Variants in ZNF138 observed in about 807,000 individuals in gnomAD.
The protein encoded by ZNF138 is zinc finger protein 138 (clone pHZ-32).
A neutral mutation model predicts 33.0 loss-of-function variants in ZNF138; 33 were observed. That is an observed-to-expected ratio of 1.00 (90% CI 0.76 to 1.34). ZNF138 has a LOEUF of 1.34. ZNF138 is among the 40% of genes most tolerant of loss of function. ZNF138 has a pLI of 0.00. For synonymous variants in ZNF138, 139 were observed against 120.4 expected, an observed-to-expected ratio of 1.15 and a Z score of -1.01; for missense variants, 360 against 370.8, an observed-to-expected ratio of 0.97 and a Z score of 0.24.
rs574057902 is a variant in ZNF138, at chr7:64,808,862, G to A, written c.4-6056G>A. 9.5e-4 allele frequency among the ~76,000 whole-genome samples: 131 copies of A among 137,382 alleles called. 1 individual carries two copies. Among genetic ancestry groups the A allele is most frequent in the African/African-American group, 2.7e-3 (107 of 39,526 alleles). 90.1% of individuals were successfully genotyped at this position (137,382 alleles called of 152,430 possible). A position where few individuals can be genotyped will look rare whatever the true frequency, so the allele number is the denominator to read the frequency against. On this transcript the variant is annotated intron_variant, in intron 1 of 3. Coordinates refer to ENST00000307355, the MANE Select transcript of ZNF138 (RefSeq NM_001271639.2). ...CCGCCCTTAATCCATTTAACCCTGA[G>A]TGGACACAGCACATGTTTCAGAGAG...
At chr7:64,859,087 C>A in the ZNF138 span, among the ~76,000 whole-genome samples, 39 of 152,122 alleles carry the variant, frequency 2.6e-4, no homozygotes, top group African/African-American at 9.4e-4. Context: ...ACCACCACAC[C>A]TGGCTAATTT....
downstream of ZNF138, among the ~76,000 whole-genome samples, chr7:64,834,686 G>A (rs1055343128): frequency 1.3e-5 from 2 of 152,126 alleles, no homozygotes; most frequent in Admixed American, 6.5e-5. Context: ...ATTTTTCTAT[G>A]GAAGAGTAAA....
intron 1 of ZNF138, among the ~76,000 whole-genome samples, chr7:64,809,942 C>T (rs536720884): frequency 3.2e-5 from 3 of 92,880 alleles, no homozygotes; most frequent in African/African-American, 1.3e-4. Context: ...GGTGGGATGG[C>T]GGCCGGGCGG....
At chr7:64,801,923 T>G (rs1787166901) in intron 1 of ZNF138, among the ~76,000 whole-genome samples, 1 of 152,212 alleles carries the variant, frequency 6.6e-6, no homozygotes, top group South Asian at 2.1e-4. Context: ...CCTTCCTCTT[T>G]TGGCTCTGTT....
Position 64,832,146 on chromosome 7 carries a change from A to C in ZNF138, c.904A>C (p.Thr302Pro), listed in dbSNP as rs769123319. ...PTLTKHQIIY[T>P]GEEPYKCEEC... ...CCTTACTAAACATCAGATAATTTAT[A>C]CTGGAGAGGAACCATACAAATGTGA... The change falls in exon 4 of 4, where the codon ACT (threonine) becomes CCT (proline). Residue 302 changes from threonine to proline, a missense_variant. Transcript: ENST00000307355. The C allele has an allele frequency of 1.2e-6, 2 of 1,612,384 alleles. No homozygotes were observed. Among genetic ancestry groups the C allele is most frequent in the Non-Finnish European group, 1.7e-6 (2 of 1,179,682 alleles).
intron 1 of ZNF138, among the ~76,000 whole-genome samples, chr7:64,808,693 A>G (rs997393799): frequency 6.7e-6 from 1 of 148,358 alleles, no homozygotes; most frequent in Non-Finnish European, 1.5e-5. Flanking sequence ...CAGCAGATAA[A>G]CAAGTGAACA....
At position 64,794,450 on chromosome 7, in the gene ZNF138, A is replaced by G. The variant is rs1179777915; in HGVS notation, c.-119A>G. On this transcript the variant is annotated 5_prime_UTR_variant, in exon 1 of 4. Transcript: ENST00000307355. Reference sequence around the variant, plus strand: ...TTTGTCTCGCTGCAGCGGGTGCTGCAGGTCTGGCCTTCACTTTTCTGCGTC... The same window carrying G: ...TTTGTCTCGCTGCAGCGGGTGCTGCGGGTCTGGCCTTCACTTTTCTGCGTC... 2.3e-6 allele frequency: 3 copies of G among 1,316,236 alleles called. No homozygotes were observed. The highest frequency in any genetic ancestry group is 4.0e-5 in the East Asian group (1 of 25,226). The allele number at this position is 1,316,236 out of a possible 1,614,324, so 81.5% of individuals were successfully genotyped here.
intron 3 of ZNF138, among the ~76,000 whole-genome samples, chr7:64,830,756 T>C (rs1344075694): frequency 6.6e-6 from 1 of 152,188 alleles, no homozygotes; most frequent in East Asian, 1.9e-4. Flanking sequence ...CTGTCAGTGT[T>C]TATAATGCAA....
At chr7:64,804,832 C>A (rs937473939) in intron 1 of ZNF138, among the ~76,000 whole-genome samples, 9 of 152,122 alleles carry the variant, frequency 5.9e-5, no homozygotes, top group African/African-American at 2.2e-4. Flanking sequence ...TATAGATCCT[C>A]TCATTTAATG....
chr7:64,815,521 G>A, intron 2 of ZNF138, 55 bp from the exon 3 acceptor site: 1 of 1,521,768 alleles, frequency 6.6e-7, no homozygotes, highest in Non-Finnish European at 9.0e-7. Flanking sequence ...GAGAATATGA[G>A]CCAGAGTCAT....
downstream of ZNF138, chr7:64,835,599 C>T (rs1790344900): frequency 6.6e-6 from 1 of 151,814 alleles, no homozygotes; most frequent in Non-Finnish European, 1.5e-5. Flanking sequence ...TCTCAACTAC[C>T]CCTGACACGT....
At chr7:64,835,681 G>A (rs551085710), downstream of ZNF138, 1 of 152,092 alleles carries the variant, frequency 6.6e-6, no homozygotes, top group Non-Finnish European at 1.5e-5. Context: ...CAAGTCTAAG[G>A]CCCGCCTGTT....
chr7:64,813,937 G>T (rs188983711), intron 1 of ZNF138: 1 of 776,180 alleles, frequency 1.3e-6, no homozygotes, highest in Admixed American at 5.7e-5. Context: ...GCATTATTAA[G>T]TATCTTTATG....
chr7:64,807,806 G>A (rs1444570271), intron 1 of ZNF138, among the ~76,000 whole-genome samples: 1 of 152,194 alleles, frequency 6.6e-6, no homozygotes, highest in Non-Finnish European at 1.5e-5. Flanking sequence ...AGATGCTCTT[G>A]TGTAAATAGA....
downstream of ZNF138, among the ~76,000 whole-genome samples, chr7:64,834,027 A>G (rs1790293043): frequency 6.6e-6 from 1 of 152,222 alleles, no homozygotes; most frequent in African/African-American, 2.4e-5. Flanking sequence ...TTCCCAGCCA[A>G]TATAAGCCTT....
chr7:64,834,496 A>G (rs557892573), downstream of ZNF138, among the ~76,000 whole-genome samples: 4 of 152,334 alleles, frequency 2.6e-5, no homozygotes, highest in South Asian at 4.1e-4. Context: ...AATTACATTC[A>G]AAGTATACTT....
downstream of ZNF138, chr7:64,836,008 T>C (rs1304678087): frequency 6.6e-6 from 1 of 152,182 alleles, no homozygotes; most frequent in Non-Finnish European, 1.5e-5. Flanking sequence ...CAAGGTGTGA[T>C]TACCAGTTGA....
chr7:64,826,195 ATG>A (rs1380840312), intron 3 of ZNF138, among the ~76,000 whole-genome samples: 1 of 152,010 alleles, frequency 6.6e-6, no homozygotes, highest in African/African-American at 2.4e-5. Flanking sequence ...TTATTGTTTT[ATG>A]TGTTTCCTGT....
the ZNF138 span, among the ~76,000 whole-genome samples, chr7:64,848,708 T>TTTA: frequency 5.7e-5 from 8 of 139,452 alleles, no homozygotes; most frequent in South Asian, 1.9e-3. Context: ...TGGTGGATTT[T>TTTA]TTTTTTTTTT....
Sources: allele counts gnomAD v4.1 joint callset (sites outside exome capture counted in the v4.1 genomes callset), GRCh38; gene constraint gnomAD v4.1.1; transcripts MANE v1.5; gene names NCBI Gene and HGNC (gene_info 2026-07-23, HGNC 2026-07-21).